Variants in POLG observed in about 807,000 individuals in gnomAD.
The protein encoded by POLG is DNA polymerase gamma, catalytic subunit.
POLG carries 110 observed loss-of-function variants against 155.4 expected under a neutral mutation model. That is an observed-to-expected ratio of 0.71 (90% CI 0.61 to 0.83). POLG has a LOEUF of 0.83. Ranked by LOEUF, POLG falls within the 40% of genes least tolerant of loss-of-function variation. POLG has a pLI of 0.00. For synonymous variants in POLG, 701 were observed against 631.5 expected, an observed-to-expected ratio of 1.11 and a Z score of -1.65; for missense variants, 1,685 against 1,627.5, an observed-to-expected ratio of 1.04 and a Z score of -0.61.
intron 5 of POLG, 28 bp downstream of exon 5, chr15:89,328,657 G>T: frequency 6.2e-7 from 1 of 1,613,716 alleles, no homozygotes; most frequent in Middle Eastern, 1.7e-4. Context: ...CACAGCCCAT[G>T]TCCCCAGAGC....
At position 89,324,023 on chromosome 15, in the gene POLG, C is replaced by G. The variant is rs2055436349; in HGVS notation, c.2070+84G>C. 5.0e-6 allele frequency: 8 copies of G among 1,591,778 alleles called. No individual in the cohort carries two copies. The South Asian group carries it at 7.7e-5, about 15-fold the overall frequency. ...GTCTGGGGTGAGCCACCAGTGCCAG[C>G]CTCCCACCCAAAGGCTGCCCCTTCC... On this transcript the variant is annotated intron_variant, in intron 11 of 22. Coordinates refer to ENST00000268124, the MANE Select transcript of POLG (RefSeq NM_002693.3).
intron 13 of POLG, among the ~76,000 whole-genome samples, chr15:89,323,130 A>T (rs147218850): frequency 6.6e-6 from 1 of 152,328 alleles, no homozygotes; most frequent in East Asian, 1.9e-4. Context: ...CCTGCATAAT[A>T]ACAAATCGGA....
Position 89,323,486 on chromosome 15 carries a change from G to C in POLG, c.2183C>G (p.Thr728Ser), listed in dbSNP as rs372087220. Reference protein sequence around the residue: ...ALTARGGPKDTQPSYHHGNGP... With the variant: ...ALTARGGPKDSQPSYHHGNGP... Reference sequence around the variant, plus strand: ...ATTGCCATGGTGATAGCTGGGCTGGGTGTCCTTGGGGCCACCACGGGCAGT... The same window carrying C: ...ATTGCCATGGTGATAGCTGGGCTGGCTGTCCTTGGGGCCACCACGGGCAGT... The change falls in exon 13 of 23, where the codon ACC (threonine) becomes AGC (serine). Residue 728 changes from threonine (T) to serine (S), a missense_variant. Physicochemically the swap from Thr to Ser is moderately conservative, Grantham distance 58. This residue lies in a region of POLG where 1,210 missense variants were observed against 1,167.1 expected (regional missense o/e 1.04). Transcript: ENST00000268124. The C allele has an allele frequency of 1.9e-6, 3 of 1,613,522 alleles. No individual in the cohort carries two copies. The highest frequency in any genetic ancestry group is 2.5e-6 in the Non-Finnish European group (3 of 1,179,426).
chr15:89,327,434 AC>A, intron 6 of POLG, 85 bp from the exon 7 acceptor site: 1 of 1,247,096 alleles, frequency 8.0e-7, no homozygotes, highest in Non-Finnish European at 1.2e-6. Context: ...GCAAGCCTCA[AC>A]CCAGCCACTG....
intron 1 of POLG, chr15:89,334,138 G>C (rs1441256614): frequency 2.9e-6 from 1 of 344,460 alleles, no homozygotes; most frequent in African/African-American, 2.2e-5. Context: ...CGAGGGCAGC[G>C]AGTAAGAGAG....
At chr15:89,326,564 G>A (rs2055520481) in intron 9 of POLG, 48 bp downstream of exon 9, 2 of 1,606,158 alleles carry the variant, frequency 1.2e-6, no homozygotes, top group Non-Finnish European at 1.7e-6. Context: ...CCTGAGAATG[G>A]AGCAAGGGTA....
In POLG at chr15:89,333,254, CG is replaced by C; in HGVS notation, c.500del (p.Pro167ArgfsTer99). 1 of 1,563,512 alleles carries C rather than the reference CG, an allele frequency of 6.4e-7. No homozygotes were observed. On this transcript the variant is annotated frameshift_variant, in exon 2 of 23. Transcript: ENST00000268124. LOFTEE classifies it high-confidence loss of function. ...LLQAQLPPKPPAWAWAEGWTR... is the reference protein window; with the variant it reads ...LLQAQLPPKPXAWAWAEGWTR... ...TCCAGCCCTCCGCCCAGGCCCAAGC[CG>C]GGGGCTTCGGGGGCAGCTGGGCCTG... is the stretch of plus-strand genomic sequence containing the variant.
chr15:89,323,061 A>G (rs572589257), intron 13 of POLG, among the ~76,000 whole-genome samples, 159 bp from the exon 14 acceptor site: 3 of 151,708 alleles, frequency 2.0e-5, no homozygotes, highest in South Asian at 2.1e-4. Flanking sequence ...GCGCGCACGC[A>G]CACACACACG....
At chr15:89,330,048 G>A in intron 3 of POLG, 33 bp downstream of exon 3, 1 of 1,575,706 alleles carries the variant, frequency 6.3e-7, no homozygotes, top group Non-Finnish European at 8.7e-7. Context: ...CCCATCCCAT[G>A]CCAGAACCTG....
intron 21 of POLG, chr15:89,318,107 A>G (rs898883346): frequency 5.1e-6 from 1 of 194,782 alleles, no homozygotes; most frequent in Non-Finnish European, 1.1e-5. Context: ...GAGTGTCCCC[A>G]TTAACAGTGT....
intron 6 of POLG, 152 bp from the exon 7 acceptor site, chr15:89,327,501 T>C: frequency 7.0e-6 from 5 of 714,408 alleles, no homozygotes; most frequent in Non-Finnish European, 1.2e-5. Flanking sequence ...CTGTTACTCA[T>C]CCCTGGGTAA....
rs1164156407 is a variant in POLG, at chr15:89,333,488, C to T, written c.267G>A (p.Gly89=). 1 of 1,612,646 alleles carries T rather than the reference C, an allele frequency of 6.2e-7. No individual in the cohort carries two copies. The highest frequency in any genetic ancestry group is 1.1e-5 in the South Asian group (1 of 91,088). The change falls in exon 2 of 23, where the codon GGG becomes GGA. Residue 89 remains glycine, a synonymous_variant. Coordinates refer to ENST00000268124, the MANE Select transcript of POLG (RefSeq NM_002693.3). ...CCTCGCCAGGCATCTCCCCTCCTTG[C>T]CCGAAGATTTGCTCGTGCAGCCCTC... is the stretch of plus-strand genomic sequence containing the variant. ...LSRGLHEQIF[G]QGGEMPGEAA... is the part of the protein sequence containing the mutation.
intron 3 of POLG, 145 bp downstream of exon 3, chr15:89,329,936 C>A: frequency 1.4e-6 from 1 of 736,600 alleles, no homozygotes; most frequent in Non-Finnish European, 2.4e-6. Flanking sequence ...AGACCAGAGG[C>A]ACAGCTGGTC....
At position 89,323,503 on chromosome 15, in the gene POLG, A is replaced by G. The variant is rs767669686; in HGVS notation, c.2166T>C (p.Arg722=). 25 of 1,608,858 alleles carry G rather than the reference A, an allele frequency of 1.6e-5. No homozygotes were observed. The South Asian group carries it at 2.6e-4, about 17-fold the overall frequency. Reference sequence around the variant, plus strand: ...TGGGCTGGGTGTCCTTGGGGCCACCACGGGCAGTCTGTGAGGGCCACACAC... The same window carrying G: ...TGGGCTGGGTGTCCTTGGGGCCACCGCGGGCAGTCTGTGAGGGCCACACAC... The part of the protein sequence containing the change: ...VPGQPLALTA[R]GGPKDTQPSY... Residue 722 remains arginine, a synonymous_variant, in exon 13 of 23, where the codon CGT becomes CGC. Transcript: ENST00000268124.
At position 89,325,045 on chromosome 15, in the gene POLG, T is replaced by A. The variant is rs368351069; in HGVS notation, c.1949+405A>T. On this transcript the variant is annotated intron_variant, in intron 10 of 22. Transcript: ENST00000268124. ...AAAAAACCTGAACCCAGAGAGTGAG[T>A]GAGTGAGTGAGAGAGTGAGTGAGTG... Among the ~76,000 whole-genome samples the A allele has an allele frequency of 6.3e-3, 718 of 114,662 alleles. 80 individuals are homozygous for A. Among genetic ancestry groups the A allele is most frequent in the African/African-American group, 0.038 (664 of 17,460 alleles). 75.2% of individuals were successfully genotyped at this position (114,662 alleles called of 152,430 possible).
Position 89,316,676 on chromosome 15 carries a change from TGAA to T in POLG, c.*72_*74del, listed in dbSNP as rs2055276201. 3.4e-5 allele frequency: 45 copies of T among 1,338,444 alleles called. No homozygotes were observed. Among genetic ancestry groups the T allele is most frequent in the Admixed American group, 2.1e-4 (12 of 58,512 alleles). The allele number at this position is 1,338,444 out of a possible 1,614,324, so 82.9% of individuals were successfully genotyped here. A position where few individuals can be genotyped will look rare whatever the true frequency, so the allele number is the denominator to read the frequency against. ...CAAGCCCTTTTGCAAAAAGCACAGC[TGAA>T]AGCCTGAGTTTGGGAGCCTGCACCA... On this transcript the variant is annotated 3_prime_UTR_variant, in exon 23 of 23. Transcript: ENST00000268124.
rs1449688861 is a variant in POLG, at chr15:89,331,560, C to A, written c.660-1284G>T. ...TTTTACTGTGAATCTTAGAAAAATG[C>A]TGATGGCCAGAGAGACGTCCCTCTA... On this transcript the variant is annotated intron_variant, in intron 2 of 22. Coordinates refer to ENST00000268124, the MANE Select transcript of POLG (RefSeq NM_002693.3). Among the ~76,000 whole-genome samples the A allele has an allele frequency of 2.0e-5, 3 of 152,224 alleles. No homozygotes were observed. In the East Asian group the frequency reaches 5.8e-4, roughly 29 times the overall value.
chr15:89,328,883 C>T (rs201253170), intron 4 of POLG, 52 bp from the exon 5 acceptor site: 25 of 1,613,838 alleles, frequency 1.5e-5, no homozygotes, highest in African/African-American at 5.3e-5. Context: ...TCGGGCCAGA[C>T]GGGCTGGTGA....
At chr15:89,325,161 AGTGAGTGAGAGAGT>A (rs2055480068) in intron 10 of POLG, among the ~76,000 whole-genome samples, 4 of 98,542 alleles carry the variant, frequency 4.1e-5, no homozygotes, top group East Asian at 3.2e-4. Context: ...TGAGTGAGTG[AGTGAGTGAGAGAGT>A]GAGAGAGTGA....
Sources: allele counts gnomAD v4.1 joint callset (sites outside exome capture counted in the v4.1 genomes callset), GRCh38; gene constraint gnomAD v4.1.1; regional missense constraint gnomAD v4.1.1; transcripts MANE v1.5; gene names NCBI Gene and HGNC (gene_info 2026-07-23, HGNC 2026-07-21).